CWC27: variants seen among roughly 807,000 people sequenced by gnomAD.
The protein encoded by CWC27 is spliceosome-associated protein CWC27 homolog.
Under a neutral mutation model 63.6 loss-of-function variants are expected in CWC27, and 47 were observed. The ratio of observed to expected loss-of-function variants is 0.74; its 90% CI spans 0.58 to 0.94. CWC27 has a LOEUF of 0.94. CWC27 is among the 40% of genes least tolerant of loss of function. The pLI, the probability that CWC27 is intolerant of heterozygous loss-of-function variation, is 0.00. For missense variants in CWC27, 495 were observed against 554.3 expected (o/e 0.89, Z 1.07); for synonymous variants, 175 against 179.8 (o/e 0.97, Z 0.22).
At chr5:64,905,978 T>G (rs1327875858) in intron 11 of CWC27, among the ~76,000 whole-genome samples, 1 of 151,782 alleles carries the variant, frequency 6.6e-6, no homozygotes, top group Admixed American at 6.6e-5. Flanking sequence ...GGTTTCCAGC[T>G]TCATCCATGT....
intron 11 of CWC27, among the ~76,000 whole-genome samples, chr5:64,961,873 A>G (rs1433607): frequency 0.46 from 69,414 of 152,044 alleles, 16,033 homozygotes; most frequent in African/African-American, 0.5. Flanking sequence ...TTGACATATA[A>G]TAAGTTCTTA....
At chr5:64,850,098 A>C (rs917275031) in intron 10 of CWC27, among the ~76,000 whole-genome samples, 10 of 152,088 alleles carry the variant, frequency 6.6e-5, no homozygotes, top group East Asian at 3.8e-4. Flanking sequence ...CACACACACA[A>C]AAATCCCTTA....
intron 13 of CWC27, among the ~76,000 whole-genome samples, chr5:64,987,393 G>T (rs1749457094): frequency 6.6e-6 from 1 of 152,086 alleles, no homozygotes; most frequent in African/African-American, 2.4e-5. Flanking sequence ...TAGCCAATTT[G>T]TGTATTACAT....
intron 10 of CWC27, among the ~76,000 whole-genome samples, chr5:64,839,945 G>T (rs1216473075): frequency 1.5e-4 from 23 of 152,102 alleles, no homozygotes; most frequent in African/African-American, 2.4e-5. Context: ...AAGGGACATT[G>T]TAACTTCAGG....
chr5:64,995,343 A>G (rs1749613465), intron 13 of CWC27, among the ~76,000 whole-genome samples: 1 of 152,262 alleles, frequency 6.6e-6, no homozygotes, highest in East Asian at 1.9e-4. Flanking sequence ...GTTTATGGTG[A>G]CTTTGTTTTG....
intron 10 of CWC27, among the ~76,000 whole-genome samples, chr5:64,866,849 G>C (rs977795985): frequency 9.9e-5 from 15 of 151,996 alleles, no homozygotes; most frequent in African/African-American, 3.6e-4. Flanking sequence ...ATATGCATTT[G>C]AGAAGAATGT....
intron 1 of CWC27, among the ~76,000 whole-genome samples, chr5:64,770,023 A>G (rs895667871): frequency 6.6e-6 from 1 of 152,244 alleles, no homozygotes; most frequent in African/African-American, 2.4e-5. Context: ...GAATCAGCAT[A>G]TTGGAGAAAA....
At chr5:64,983,729 T>C (rs1749368674) in intron 13 of CWC27, among the ~76,000 whole-genome samples, 1 of 152,266 alleles carries the variant, frequency 6.6e-6, no homozygotes, top group Non-Finnish European at 1.5e-5. Context: ...GGTCCTTAAC[T>C]GTTTTGAAGT....
chr5:64,979,382 C>T (rs1749290495), intron 13 of CWC27, among the ~76,000 whole-genome samples: 2 of 152,106 alleles, frequency 1.3e-5, no homozygotes, highest in South Asian at 4.1e-4. Context: ...ACAAAAATAC[C>T]TTCCATGTTC....
chr5:64,806,690 A>G (rs965938753), intron 10 of CWC27, among the ~76,000 whole-genome samples: 1 of 152,128 alleles, frequency 6.6e-6, no homozygotes, highest in African/African-American at 2.4e-5. Flanking sequence ...AGTTGCCAAA[A>G]TCAGACCCTG....
chr5:64,885,643 TCTC>T (rs1347383772), intron 11 of CWC27, 97 bp downstream of exon 11: 15 of 844,728 alleles, frequency 1.8e-5, no homozygotes, highest in African/African-American at 8.7e-5. Context: ...TCCCTTCCCT[TCTC>T]CTTTCCTTCT....
At chr5:64,932,787 G>C (rs1748264633) in intron 11 of CWC27, among the ~76,000 whole-genome samples, 1 of 152,058 alleles carries the variant, frequency 6.6e-6, no homozygotes, top group South Asian at 2.1e-4. Context: ...ACCCATTGTA[G>C]AATCTCTCAT....
At chr5:64,976,399 T>C (rs1327692564) in intron 12 of CWC27, among the ~76,000 whole-genome samples, 1 of 152,192 alleles carries the variant, frequency 6.6e-6, no homozygotes, top group Non-Finnish European at 1.5e-5. Flanking sequence ...GATATTTTTA[T>C]ATTTTTGGAA....
At chr5:64,815,398 C>T (rs938118634) in intron 10 of CWC27, among the ~76,000 whole-genome samples, 1 of 152,184 alleles carries the variant, frequency 6.6e-6, no homozygotes, top group East Asian at 1.9e-4. Flanking sequence ...GAATGATATG[C>T]TGGCTCTTAA....
At chr5:64,888,349 A>G (rs1747127176) in intron 11 of CWC27, among the ~76,000 whole-genome samples, 1 of 147,360 alleles carries the variant, frequency 6.8e-6, no homozygotes, top group Admixed American at 6.8e-5. Flanking sequence ...AGTATAATAA[A>G]TAATATAAAG....
At chr5:65,011,511 G>C (rs1289387999) in intron 13 of CWC27, among the ~76,000 whole-genome samples, 3 of 152,176 alleles carry the variant, frequency 2.0e-5, no homozygotes, top group Admixed American at 2.0e-4. Flanking sequence ...GTTTGTTCAG[G>C]AAACTTCAAA....
chr5:64,820,820 C>T (rs1363795598), intron 10 of CWC27, among the ~76,000 whole-genome samples: 1 of 151,706 alleles, frequency 6.6e-6, no homozygotes, highest in Non-Finnish European at 1.5e-5. Flanking sequence ...TATTACACTT[C>T]TAGAAGAAAA....
intron 11 of CWC27, among the ~76,000 whole-genome samples, chr5:64,920,998 G>A (rs1219060741): frequency 6.6e-6 from 1 of 151,856 alleles, no homozygotes; most frequent in Non-Finnish European, 1.5e-5. Flanking sequence ...TAGGCTTTGG[G>A]GTTGGTTTGC....
At chr5:64,917,951 A>C (rs1351597083) in intron 11 of CWC27, among the ~76,000 whole-genome samples, 5 of 151,394 alleles carry the variant, frequency 3.3e-5, no homozygotes, top group Admixed American at 6.6e-5. Flanking sequence ...CACACACACA[A>C]ACATACACAC....
Sources: gnomAD v4.1 joint callset for allele counts (sites outside exome capture counted in the v4.1 genomes callset) on GRCh38, gnomAD v4.1.1 for gene constraint, MANE v1.5 for transcripts, NCBI Gene and HGNC (gene_info 2026-07-23, HGNC 2026-07-21) for gene names.